TRDN: variants seen among roughly 807,000 people sequenced by gnomAD.
TRDN encodes the protein triadin in skeletal muscle.
In TRDN, 161 loss-of-function variants were observed where a neutral mutation model predicts 149.7. The observed-to-expected ratio is 1.08, with a 90% CI of 0.95 to 1.23. TRDN has a LOEUF of 1.23. Among genes scored for constraint, TRDN ranks in the 50% most tolerant of loss-of-function variants. The pLI is 0.00. For missense variants in TRDN, 896 were observed against 823.5 expected (o/e 1.09, Z -1.08); for synonymous variants, 294 against 250.5 (o/e 1.17, Z -1.64).
In TRDN at chr6:123,607,058, T is replaced by C. The variant is rs112675394; in HGVS notation, c.22+29696A>G. 1.2e-3 allele frequency among the ~76,000 whole-genome samples: 184 copies of C among 152,296 alleles called. 1 individual carries two copies. The highest frequency in any genetic ancestry group is 4.1e-3 in the African/African-American group (172 of 41,570). On this transcript the variant is annotated intron_variant, in intron 1 of 40. Coordinates refer to ENST00000334268, the MANE Select transcript of TRDN (RefSeq NM_006073.4). ...GAGGGTTCTCTTCTTACAAAACAAT[T>C]TGAAAACACTGCAAAGCTTTCAGAC...
At chr6:123,446,911 C>T (rs1195202712) in intron 10 of TRDN, among the ~76,000 whole-genome samples, 1 of 134,482 alleles carries the variant, frequency 7.4e-6, no homozygotes. Context: ...TATTCTTCTT[C>T]TATTTTTTTT....
At chr6:123,339,895 T>C (rs932680798) in intron 21 of TRDN, among the ~76,000 whole-genome samples, 4 of 152,146 alleles carry the variant, frequency 2.6e-5, no homozygotes, top group African/African-American at 7.2e-5. Flanking sequence ...TTTGATGTGC[T>C]ATTGCCAGAC....
intron 39 of TRDN, among the ~76,000 whole-genome samples, chr6:123,221,932 CAT>C (rs1259105355): frequency 1.3e-5 from 2 of 151,644 alleles, no homozygotes; most frequent in Admixed American, 1.3e-4. Flanking sequence ...TTTGGAGGGA[CAT>C]ATGTTTTTCG....
intron 24 of TRDN, among the ~76,000 whole-genome samples, chr6:123,285,150 C>A (rs1288243483): frequency 1.3e-5 from 2 of 151,786 alleles, no homozygotes; most frequent in African/African-American, 4.8e-5. Context: ...CAATTCCCAT[C>A]AAAATACCAT....
At chr6:123,419,918 C>T (rs761199041) in intron 12 of TRDN, among the ~76,000 whole-genome samples, 2 of 152,128 alleles carry the variant, frequency 1.3e-5, no homozygotes, top group Non-Finnish European at 2.9e-5. Flanking sequence ...TTTTTACTCT[C>T]GAAAACAAAT....
At chr6:123,385,607 T>C (rs1024822967) in intron 14 of TRDN, among the ~76,000 whole-genome samples, 4 of 152,140 alleles carry the variant, frequency 2.6e-5, no homozygotes, top group Non-Finnish European at 5.9e-5. Context: ...TTTTTCAGCA[T>C]GATTTATCTT....
intron 10 of TRDN, among the ~76,000 whole-genome samples, chr6:123,439,337 T>A (rs1481374562): frequency 6.6e-6 from 1 of 152,196 alleles, no homozygotes; most frequent in African/African-American, 2.4e-5. Context: ...TATTGATATA[T>A]AAAATTAAAA....
intron 38 of TRDN, among the ~76,000 whole-genome samples, chr6:123,231,835 GGTCAAAGTAGAATTCAAAGTTTTAT>G (rs1436240085): frequency 7.9e-5 from 12 of 152,044 alleles, no homozygotes; most frequent in Admixed American, 4.6e-4. Context: ...AATACTGATT[GGTCAAAGTAGAATTCAAAGTTTTAT>G]GTCTAAGTGA....
At chr6:123,379,631 C>T (rs552439772) in intron 16 of TRDN, among the ~76,000 whole-genome samples, 3 of 152,212 alleles carry the variant, frequency 2.0e-5, no homozygotes, top group Admixed American at 2.0e-4. Context: ...ATAAAGTCCC[C>T]TCAATCTTAT....
chr6:123,464,387 TGA>T, intron 10 of TRDN: 3 of 969,260 alleles, frequency 3.1e-6, no homozygotes, highest in Non-Finnish European at 3.7e-6. Context: ...TGTGTGTGTG[TGA>T]GTGTGTGTGT....
chr6:123,583,502 A>G (rs1159259168), intron 1 of TRDN, among the ~76,000 whole-genome samples: 2 of 151,486 alleles, frequency 1.3e-5, no homozygotes, highest in South Asian at 2.1e-4. Context: ...TGTGTTTTTA[A>G]AAGACCTTTA....
At chr6:123,559,364 C>T (rs749549440) in intron 2 of TRDN, among the ~76,000 whole-genome samples, 73 of 152,258 alleles carry the variant, frequency 4.8e-4, no homozygotes, top group South Asian at 1.2e-3. Context: ...TTTTAATTAT[C>T]CCCACCTGCC....
At chr6:123,463,262 G>A (rs1362071074) in intron 10 of TRDN, among the ~76,000 whole-genome samples, 2 of 151,596 alleles carry the variant, frequency 1.3e-5, no homozygotes, top group East Asian at 1.9e-4. Flanking sequence ...GCGTGAACCC[G>A]GGAGGCGGAG....
At chr6:123,544,246 T>TACACACAC (rs71021453) in intron 4 of TRDN, among the ~76,000 whole-genome samples, 110 of 144,316 alleles carry the variant, frequency 7.6e-4, no homozygotes, top group East Asian at 5.2e-3. Context: ...CATCTGTACA[T>TACACACAC]ACACACACAC....
intron 20 of TRDN, among the ~76,000 whole-genome samples, chr6:123,357,886 G>A (rs961050630): frequency 6.6e-6 from 1 of 152,130 alleles, no homozygotes; most frequent in African/African-American, 2.4e-5. Flanking sequence ...AAAGTGCTAT[G>A]TTTTTTGTTG....
At chr6:123,304,469 G>A (rs1435761135) in intron 24 of TRDN, among the ~76,000 whole-genome samples, 2 of 151,828 alleles carry the variant, frequency 1.3e-5, no homozygotes, top group Non-Finnish European at 1.5e-5. Flanking sequence ...GGCCAGGATG[G>A]TCTGGATCTC....
At chr6:123,604,045 A>G (rs1442975194) in intron 1 of TRDN, among the ~76,000 whole-genome samples, 2 of 152,234 alleles carry the variant, frequency 1.3e-5, no homozygotes, top group Non-Finnish European at 2.9e-5. Flanking sequence ...AAAGATTGCT[A>G]CAACTAACTC....
chr6:123,595,582 C>G (rs1036173234), intron 1 of TRDN, among the ~76,000 whole-genome samples: 6 of 152,168 alleles, frequency 3.9e-5, no homozygotes, highest in Non-Finnish European at 8.8e-5. Flanking sequence ...GTTGTAGCAA[C>G]CCTGCGTCCA....
intron 10 of TRDN, among the ~76,000 whole-genome samples, chr6:123,440,745 C>T (rs150697272): frequency 1.1e-3 from 165 of 152,198 alleles, no homozygotes; most frequent in African/African-American, 3.9e-3. Flanking sequence ...AATCTTACAC[C>T]GAACTTCACA....
Sources: gnomAD v4.1 joint callset for allele counts (sites outside exome capture counted in the v4.1 genomes callset) on GRCh38, gnomAD v4.1.1 for gene constraint, MANE v1.5 for transcripts, NCBI Gene and HGNC (gene_info 2026-07-23, HGNC 2026-07-21) for gene names.